Variants in TGFBI observed in about 807,000 individuals in gnomAD.
TGFBI encodes transforming growth factor-beta-induced protein ig-h3.
A neutral mutation model predicts 73.7 loss-of-function variants in TGFBI; 50 were observed. The ratio of observed to expected loss-of-function variants is 0.68; its 90% CI spans 0.54 to 0.86. The LOEUF is 0.86. Among genes scored for constraint, TGFBI ranks in the 40% least tolerant of loss-of-function variants. TGFBI has a pLI of 0.00. For missense variants in TGFBI, 839 were observed against 877.0 expected, an observed-to-expected ratio of 0.96 and a Z score of 0.55; for synonymous variants, 362 against 360.5, an observed-to-expected ratio of 1.00 and a Z score of -0.05.
At chr5:136,032,502 G>A (rs1185155989) in intron 1 of TGFBI, among the ~76,000 whole-genome samples, 2 of 152,186 alleles carry the variant, frequency 1.3e-5, no homozygotes, top group Admixed American at 6.5e-5. Context: ...TGCAATATTG[G>A]TGTCTTCTTA....
At chr5:136,061,986 G>A (rs1008932059) in intron 15 of TGFBI, among the ~76,000 whole-genome samples, 1 of 152,192 alleles carries the variant, frequency 6.6e-6, no homozygotes, top group Non-Finnish European at 1.5e-5. Flanking sequence ...CATCCTGGGT[G>A]AGGCTGGGGC....
At chr5:136,054,424 T>G (rs1298603993) in intron 9 of TGFBI, among the ~76,000 whole-genome samples, 1 of 152,056 alleles carries the variant, frequency 6.6e-6, no homozygotes, top group African/African-American at 2.4e-5. Flanking sequence ...GAGGTCAGAG[T>G]GAGGGTACAG....
At chr5:136,032,210 G>A (rs1201369249) in intron 1 of TGFBI, among the ~76,000 whole-genome samples, 1 of 152,162 alleles carries the variant, frequency 6.6e-6, no homozygotes, top group Non-Finnish European at 1.5e-5. Context: ...AGGGAGGCAT[G>A]GGCCTCTGCT....
intron 9 of TGFBI, 99 bp from the exon 10 acceptor site, chr5:136,054,617 C>A: frequency 1.3e-6 from 2 of 1,534,912 alleles, no homozygotes; most frequent in Non-Finnish European, 9.0e-7. Context: ...TGTTTCCAAA[C>A]TCAAGGAGGG....
chr5:136,062,892 G>C (rs1275727960), intron 16 of TGFBI, among the ~76,000 whole-genome samples: 1 of 152,236 alleles, frequency 6.6e-6, no homozygotes, highest in Admixed American at 6.5e-5. Context: ...GATAATAAGA[G>C]TAACAACCTT....
rs779632250 is a variant in TGFBI, at chr5:136,059,166, C to G, written c.1755C>G (p.Ala585=). 1 of 1,610,762 alleles carries G rather than the reference C, an allele frequency of 6.2e-7. No individual in the cohort carries two copies. The highest frequency in any genetic ancestry group is 8.5e-7 in the Non-Finnish European group (1 of 1,178,930). Residue 585 remains alanine, a synonymous_variant, in exon 13 of 17, where the codon GCC becomes GCG. Coordinates refer to ENST00000442011, the MANE Select transcript of TGFBI (RefSeq NM_000358.3). Reference sequence around the variant, plus strand: ...TCCTGGTTAGCGGAGGCATCGGGGCCCTGGTGCGGCTAAAGTCTCTCCAAG... The same window carrying G: ...TCCTGGTTAGCGGAGGCATCGGGGCGCTGGTGCGGCTAAAGTCTCTCCAAG... The part of the protein sequence containing the change: ...DEILVSGGIG[A]LVRLKSLQGD...
intron 2 of TGFBI, among the ~76,000 whole-genome samples, chr5:136,039,384 C>A (rs1751289414): frequency 6.6e-6 from 1 of 152,180 alleles, no homozygotes; most frequent in South Asian, 2.1e-4. Flanking sequence ...TCAAGCCTGG[C>A]AGTTAGTGTC....
chr5:136,053,321 A>G (rs1751571495), intron 8 of TGFBI, among the ~76,000 whole-genome samples: 1 of 152,168 alleles, frequency 6.6e-6, no homozygotes, highest in Admixed American at 6.5e-5. Context: ...TGCAGTGGAG[A>G]GGCAGTGGGG....
intron 7 of TGFBI, among the ~76,000 whole-genome samples, chr5:136,052,403 C>T (rs1182857681): frequency 6.6e-6 from 1 of 152,214 alleles, no homozygotes; most frequent in Non-Finnish European, 1.5e-5. Flanking sequence ...GTCATTTGTA[C>T]ACTTTTCGTC....
chr5:136,047,190 T>C, intron 5 of TGFBI, 84 bp from the exon 6 acceptor site: 1 of 1,577,998 alleles, frequency 6.3e-7, no homozygotes, highest in Non-Finnish European at 8.6e-7. Flanking sequence ...CTACTGTGTT[T>C]GAAAACACTG....
intron 1 of TGFBI, among the ~76,000 whole-genome samples, chr5:136,031,380 T>A (rs952929148): frequency 5.3e-5 from 8 of 152,244 alleles, no homozygotes; most frequent in Non-Finnish European, 1.5e-5. Flanking sequence ...TTTAAGGAAT[T>A]GTAGCGTGCT....
chr5:136,046,073 G>C (rs971113825), intron 3 of TGFBI: 40 of 333,854 alleles, frequency 1.2e-4, no homozygotes, highest in Admixed American at 4.5e-5. Context: ...CTGGGAACAA[G>C]AGCTGTGCTC....
intron 1 of TGFBI, among the ~76,000 whole-genome samples, chr5:136,032,200 A>G (rs1198103155): frequency 6.6e-6 from 1 of 152,218 alleles, no homozygotes; most frequent in Non-Finnish European, 1.5e-5. Context: ...AGCTAGGACT[A>G]GGGAGGCATG....
Position 136,063,479 on chromosome 5 carries a change from C to T in TGFBI, c.*253C>T. 1 of 488,938 alleles carries T rather than the reference C, an allele frequency of 2.0e-6. No individual in the cohort carries two copies. The highest frequency in any genetic ancestry group is 1.9e-5 in the African/African-American group (1 of 51,682). 30.3% of individuals were successfully genotyped at this position (488,938 alleles called of 1,614,324 possible). A position where few individuals can be genotyped will look rare whatever the true frequency, so the allele number is the denominator to read the frequency against. ...CTTGGATGTCACTGCCTGACATTCA[C>T]TTCCAGAGAGGACCTATCCCAAATG... On this transcript the variant is annotated 3_prime_UTR_variant, in exon 17 of 17. Transcript: ENST00000442011.
chr5:136,062,530 T>C, intron 15 of TGFBI, 133 bp from the exon 16 acceptor site: 1 of 911,622 alleles, frequency 1.1e-6, no homozygotes, highest in Admixed American at 2.0e-5. Context: ...TGCCTATAAG[T>C]TCCACCTTCC....
At position 136,049,371 on chromosome 5, in the gene TGFBI, G is replaced by T. The variant is rs902194209; in HGVS notation, c.772-68G>T. ...GCCCTTGCGGGGAACCAGTGAAGCT[G>T]TGTGTGCATCTTCTGTGGGGAGTGC... On this transcript the variant is annotated intron_variant, in intron 6 of 16. Coordinates refer to ENST00000442011, the MANE Select transcript of TGFBI (RefSeq NM_000358.3). 3 of 1,575,366 alleles carry T rather than the reference G, an allele frequency of 1.9e-6. No individual in the cohort carries two copies. The African/African-American group carries it at 4.0e-5, about 21-fold the overall frequency.
chr5:136,031,690 A>G (rs1307098900), intron 1 of TGFBI, among the ~76,000 whole-genome samples: 1 of 152,234 alleles, frequency 6.6e-6, no homozygotes, highest in Non-Finnish European at 1.5e-5. Context: ...CCAAACATCA[A>G]CCACCAAAAA....
At chr5:136,033,693 C>A in intron 1 of TGFBI, 70 bp from the exon 2 acceptor site, 2 of 1,334,904 alleles carry the variant, frequency 1.5e-6, no homozygotes, top group Non-Finnish European at 2.1e-6. Context: ...AGGAGGCAAA[C>A]ACGATGGGAG....
At position 136,059,177 on chromosome 5, in the gene TGFBI, T is replaced by A. The variant is rs1247713930; in HGVS notation, c.1766T>A (p.Leu589Gln). 1 of 1,610,568 alleles carries A rather than the reference T, an allele frequency of 6.2e-7. No homozygotes were observed. Among genetic ancestry groups the A allele is most frequent in the Non-Finnish European group, 8.5e-7 (1 of 1,178,872 alleles). Residue 589 changes from leucine (L) to glutamine (Q), a missense_variant, in exon 13 of 17, where the codon CTA (leucine) becomes CAA (glutamine). Transcript: ENST00000442011. ...VSGGIGALVRLKSLQGDKLEV... is the reference protein window; with the variant it reads ...VSGGIGALVRQKSLQGDKLEV... ...GGAGGCATCGGGGCCCTGGTGCGGC[T>A]AAAGTCTCTCCAAGGTGACAAGCTG...
Sources: gnomAD v4.1 joint callset for allele counts (sites outside exome capture counted in the v4.1 genomes callset) on GRCh38, gnomAD v4.1.1 for gene constraint, MANE v1.5 for transcripts, NCBI Gene and HGNC (gene_info 2026-07-23, HGNC 2026-07-21) for gene names.